The following ABCB4 variants were observed in gnomAD, a reference collection of about 807,000 sequenced individuals.
ABCB4 encodes the protein phosphatidylcholine translocator ABCB4.
A neutral mutation model predicts 145.7 loss-of-function variants in ABCB4; 76 were observed. The observed-to-expected ratio is 0.52, with a 90% CI of 0.43 to 0.63. ABCB4 has a LOEUF of 0.63. ABCB4 is among the 30% of genes least tolerant of loss of function. The probability of loss-of-function intolerance (pLI) is 0.00; values close to 1 mark genes in which losing one functional copy is unlikely to be tolerated. For missense variants in ABCB4, 1,234 were observed against 1,553.1 expected, an observed-to-expected ratio of 0.79 and a Z score of 3.45; for synonymous variants, 517 against 566.8, an observed-to-expected ratio of 0.91 and a Z score of 1.25.
intron 21 of ABCB4, among the ~76,000 whole-genome samples, chr7:87,415,134 A>T (rs902589193): frequency 4.6e-5 from 7 of 152,156 alleles, no homozygotes; most frequent in African/African-American, 1.7e-4. Flanking sequence ...CTTACGGGTT[A>T]GCTGTGGCAC....
At chr7:87,431,619 T>A in intron 14 of ABCB4, 54 bp from the exon 15 acceptor site, 1 of 1,606,620 alleles carries the variant, frequency 6.2e-7, no homozygotes, top group South Asian at 1.1e-5. Flanking sequence ...ACACTGTCAA[T>A]TAACATGCAC....
intron 3 of ABCB4, among the ~76,000 whole-genome samples, chr7:87,469,934 A>G (rs538156339): frequency 1.1e-4 from 17 of 152,256 alleles, no homozygotes; most frequent in Non-Finnish European, 2.4e-4. Flanking sequence ...TAAAAGAACA[A>G]AGCTGGAGGC....
At chr7:87,424,460 C>G (rs1809674011) in intron 16 of ABCB4, among the ~76,000 whole-genome samples, 1 of 152,142 alleles carries the variant, frequency 6.6e-6, no homozygotes, top group Non-Finnish European at 1.5e-5. Flanking sequence ...TCCTGCCTCT[C>G]TAACAGGGAT....
rs1562944969 is a variant in ABCB4 at position 87,402,052 on chromosome 7, TAGA to T, written c.*41_*43del. ...TTATTTTACAAGTCAGATAAAATGG[TAGA>T]ATAATTTGAATTTATTTTTAAAATA... On this transcript the variant is annotated 3_prime_UTR_variant, in exon 28 of 28. Coordinates refer to ENST00000649586, the MANE Select transcript of ABCB4 (RefSeq NM_000443.4). 4 of 1,603,648 alleles carry T rather than the reference TAGA, an allele frequency of 2.5e-6. No individual in the cohort carries two copies. The South Asian group carries it at 4.4e-5, about 18-fold the overall frequency.
intron 8 of ABCB4, among the ~76,000 whole-genome samples, chr7:87,448,068 G>A (rs1024960665): frequency 6.6e-6 from 1 of 151,878 alleles, no homozygotes; most frequent in Non-Finnish European, 1.5e-5. Flanking sequence ...ACTGGCTGCT[G>A]GCATTTGATA....
At chr7:87,452,054 C>T (rs1811771326) in intron 6 of ABCB4, among the ~76,000 whole-genome samples, 1 of 152,158 alleles carries the variant, frequency 6.6e-6, no homozygotes, top group Admixed American at 6.5e-5. Context: ...GAAGCATTAA[C>T]ATTTTGAGCA....
chr7:87,407,050 A>T (rs2116350974), intron 25 of ABCB4, among the ~76,000 whole-genome samples: 1 of 152,322 alleles, frequency 6.6e-6, no homozygotes, highest in East Asian at 1.9e-4. Flanking sequence ...TACAAAGGGC[A>T]GTGTCTTTGG....
At chr7:87,456,185 T>C (rs899289801) in intron 4 of ABCB4, among the ~76,000 whole-genome samples, 1 of 152,240 alleles carries the variant, frequency 6.6e-6, no homozygotes, top group Admixed American at 6.5e-5. Context: ...GTGGTTTTTT[T>C]ATTTCCCTGA....
At chr7:87,380,395 G>GCCTATTTTATAAACC in the ABCB4 span, among the ~76,000 whole-genome samples, 3 of 151,264 alleles carry the variant, frequency 2.0e-5, no homozygotes, top group Non-Finnish European at 3.0e-5. Context: ...TAGATCCTTG[G>GCCTATTTTATAAACC]TAAGTACTGT....
At chr7:87,453,309 G>A (rs1811884640) in intron 5 of ABCB4, among the ~76,000 whole-genome samples, 174 bp from the exon 6 acceptor site, 1 of 152,044 alleles carries the variant, frequency 6.6e-6, no homozygotes, top group Admixed American at 6.6e-5. Flanking sequence ...TCAGCCTCCC[G>A]AGTAGCTGGG....
Position 87,447,026 on chromosome 7 carries a change from C to G in ABCB4, c.1005+8G>C, listed in dbSNP as rs1417252437. On this transcript the variant is annotated splice_region_variant and intron_variant, in intron 9 of 27. Coordinates refer to ENST00000649586, the MANE Select transcript of ABCB4 (RefSeq NM_000443.4). ...ATATTCTTCATAAATGTTAGGAGAA[C>G]TACTTACTGTCATTGCATTTCCAAT... 6.2e-7 allele frequency: 1 copy of G among 1,607,574 alleles called. No homozygotes were observed. Among genetic ancestry groups the G allele is most frequent in the Non-Finnish European group, 8.5e-7 (1 of 1,174,262 alleles).
At chr7:87,430,925 T>C (rs1810173780) in intron 15 of ABCB4, among the ~76,000 whole-genome samples, 1 of 152,168 alleles carries the variant, frequency 6.6e-6, no homozygotes. Flanking sequence ...TTAGATCACA[T>C]GAGACCTCCC....
At chr7:87,411,787 A>T (rs988203735) in intron 23 of ABCB4, 106 bp downstream of exon 23, 1 of 1,026,680 alleles carries the variant, frequency 9.7e-7, no homozygotes, top group Admixed American at 2.0e-5. Flanking sequence ...TAAATCCCTG[A>T]CCTCATCTTT....
At chr7:87,382,488 C>T in the ABCB4 span, 1 of 1,613,960 alleles carries the variant, frequency 6.2e-7, no homozygotes, top group Non-Finnish European at 8.5e-7. Flanking sequence ...GATGCTTCAC[C>T]CGGATACGTT....
rs1430986706 is a variant in ABCB4, at chr7:87,460,262, ATTTCTTTTTTCT to A, written c.286+2484_286+2495del. Among the ~76,000 whole-genome samples, 2 of 152,062 alleles carry A rather than the reference ATTTCTTTTTTCT, an allele frequency of 1.3e-5. 1 individual carries two copies. The highest frequency in any genetic ancestry group is 1.3e-4 in the Admixed American group (2 of 15,270). ...GTCCAGATGTGGCCTGGGAGTCTGC[ATTTCTTTTTTCT>A]TTTCTTTTTAAAATAATTTCAATTT... On this transcript the variant is annotated intron_variant, in intron 4 of 27. Coordinates refer to ENST00000649586, the MANE Select transcript of ABCB4 (RefSeq NM_000443.4).
chr7:87,422,195 G>C lies in ABCB4; in HGVS notation c.2242C>G (p.Gln748Glu), dbSNP rs1809490932. 1 of 1,613,700 alleles carries C rather than the reference G, an allele frequency of 6.2e-7. No individual in the cohort carries two copies. Among genetic ancestry groups the C allele is most frequent in the South Asian group, 1.1e-5 (1 of 91,058 alleles). The change falls in exon 18 of 28, where the codon CAG becomes GAG. Residue 748 changes from glutamine to glutamate, a missense_variant. Gln to Glu is a conservative substitution (Grantham distance 29, BLOSUM62 2). Coordinates refer to ENST00000649586, the MANE Select transcript of ABCB4 (RefSeq NM_000443.4). ...IFGPGDDAVK[Q>E]QKCNIFSLIF... Reference sequence around the variant, plus strand: ...AAAGAGAATATGTTGCACTTCTGCTGCTTCACTGCATCATCGCCTGGTCCA... The same window carrying C: ...AAAGAGAATATGTTGCACTTCTGCTCCTTCACTGCATCATCGCCTGGTCCA...
intron 10 of ABCB4, among the ~76,000 whole-genome samples, chr7:87,444,231 T>G (rs1400503948): frequency 6.6e-6 from 1 of 152,206 alleles, no homozygotes; most frequent in Non-Finnish European, 1.5e-5. Context: ...TTAGAAATAA[T>G]GTAAACTTTT....
intron 6 of ABCB4, 116 bp from the exon 7 acceptor site, chr7:87,451,910 T>C: frequency 1.1e-6 from 1 of 949,556 alleles, no homozygotes; most frequent in Admixed American, 1.7e-5. Context: ...CAAGCCTCTT[T>C]CAGAGTCTTA....
chr7:87,438,486 A>G (rs372389582), intron 14 of ABCB4, among the ~76,000 whole-genome samples: 19 of 152,286 alleles, frequency 1.2e-4, no homozygotes, highest in East Asian at 1.2e-3. Context: ...AGTGGCTCAC[A>G]TCTATAAATC....
Sources: gnomAD v4.1 joint callset for allele counts (sites outside exome capture counted in the v4.1 genomes callset) on GRCh38, gnomAD v4.1.1 for gene constraint, MANE v1.5 for transcripts, NCBI Gene and HGNC (gene_info 2026-07-23, HGNC 2026-07-21) for gene names.